The following VWC2 variants were observed in gnomAD, a reference collection of about 807,000 sequenced individuals.
The protein encoded by VWC2 is brorin.
A neutral mutation model predicts 29.8 loss-of-function variants in VWC2; 14 were observed. The ratio of observed to expected loss-of-function variants is 0.47; its 90% confidence interval spans 0.31 to 0.74. The LOEUF is 0.74. Ranked by LOEUF, VWC2 falls within the 30% of genes least tolerant of loss-of-function variation. VWC2 has a pLI of 0.05. For missense variants in VWC2, 457 were observed against 459.8 expected (o/e 0.99, Z 0.05); for synonymous variants, 213 against 199.0 (o/e 1.07, Z -0.59).
intron 3 of VWC2, among the ~76,000 whole-genome samples, chr7:49,883,325 C>T (rs1296988275): frequency 4.0e-5 from 6 of 151,768 alleles, no homozygotes; most frequent in Non-Finnish European, 7.4e-5. Flanking sequence ...TAGCAAGCTG[C>T]AATATTGACT....
At position 49,916,994 on chromosome 7, in the gene VWC2, G is replaced by T. The variant is rs2128745243; in HGVS notation, c.*4809G>T. ...AGAGACACTGGCCCTTTATGATAAA[G>T]GAAGTCAAGTTTACAGTTTTGATAT... On this transcript the variant is annotated 3_prime_UTR_variant, in exon 4 of 4. Coordinates refer to ENST00000340652, the MANE Select transcript of VWC2 (RefSeq NM_198570.5). 6.6e-6 allele frequency: 1 copy of T among 152,238 alleles called. No individual in the cohort carries two copies. Among genetic ancestry groups the T allele is most frequent in the African/African-American group, 2.4e-5 (1 of 41,556 alleles). 9.4% of individuals were successfully genotyped at this position (152,238 alleles called of 1,614,324 possible).
intron 3 of VWC2, among the ~76,000 whole-genome samples, chr7:49,859,623 G>A (rs1253421606): frequency 6.6e-6 from 1 of 152,214 alleles, no homozygotes; most frequent in Non-Finnish European, 1.5e-5. Context: ...TTACACAGGT[G>A]TATTTGCCTA....
chr7:49,847,867 CTGAT>C (rs1431460085), intron 3 of VWC2, among the ~76,000 whole-genome samples: 1 of 152,120 alleles, frequency 6.6e-6, no homozygotes, highest in African/African-American at 2.4e-5. Flanking sequence ...GATGTGAGCT[CTGAT>C]TGGGTAATCA....
chr7:49,855,763 C>T (rs10252915), intron 3 of VWC2, among the ~76,000 whole-genome samples: 1 of 152,124 alleles, frequency 6.6e-6, no homozygotes, highest in African/African-American at 2.4e-5. Context: ...CCCTGCCTCC[C>T]CAGAAGCCAG....
Position 49,775,764 on chromosome 7 carries a change from A to C in VWC2, c.329A>C (p.Gln110Pro). The change falls in exon 2 of 4, where the codon CAG becomes CCG. Residue 110 changes from glutamine (Q) to proline (P), a missense_variant. Around this residue, in one of 2 missense-constraint regions of VWC2, gnomAD observed 272 missense variants for 202.7 expected, o/e 1.34. Coordinates refer to ENST00000340652, the MANE Select transcript of VWC2 (RefSeq NM_198570.5). ...QGGGAKAGDL[Q>P]VRPRGDTPQA... ...GGGGGCGCCAAGGCCGGGGATCTGC[A>C]GGTCCGGCCCCGCGGGGACACCCCG... 6.6e-7 allele frequency: 1 copy of C among 1,515,546 alleles called. No individual in the cohort carries two copies. 93.9% of individuals were successfully genotyped at this position (1,515,546 alleles called of 1,614,324 possible). A position where few individuals can be genotyped will look rare whatever the true frequency, so the allele number is the denominator to read the frequency against.
chr7:49,906,621 C>A (rs1298738754), intron 3 of VWC2, among the ~76,000 whole-genome samples: 1 of 152,158 alleles, frequency 6.6e-6, no homozygotes, highest in African/African-American at 2.4e-5. Context: ...CAGGCGTGAG[C>A]CACCGCACCC....
chr7:49,804,461 G>A (rs142394495), intron 3 of VWC2, among the ~76,000 whole-genome samples: 6 of 152,286 alleles, frequency 3.9e-5, no homozygotes, highest in East Asian at 1.9e-4. Flanking sequence ...CTCTCACTGC[G>A]TCAAGGGGTT....
At chr7:49,823,035 T>C (rs1438202140) in intron 3 of VWC2, among the ~76,000 whole-genome samples, 1 of 152,216 alleles carries the variant, frequency 6.6e-6, no homozygotes, top group Non-Finnish European at 1.5e-5. Context: ...GGAATGGAAC[T>C]GTGGGAGTGA....
intron 3 of VWC2, among the ~76,000 whole-genome samples, chr7:49,830,491 T>C (rs1236750539): frequency 6.6e-6 from 1 of 152,230 alleles, no homozygotes; most frequent in African/African-American, 2.4e-5. Context: ...GGGCTAGTTT[T>C]ATTTAACGCT....
intron 3 of VWC2, among the ~76,000 whole-genome samples, chr7:49,820,197 C>T (rs1789234542): frequency 6.6e-6 from 1 of 152,078 alleles, no homozygotes; most frequent in African/African-American, 2.4e-5. Flanking sequence ...ACCTCAGGAA[C>T]GCCCTACCCC....
chr7:49,849,222 C>T lies in VWC2; in HGVS notation c.826+46382C>T, dbSNP rs149398959. The stretch of plus-strand genomic sequence containing the variant: ...GGGGGGAAACCAATACAGTCACCAT[C>T]TCTTTATCACAAAATGCTTTTGTCT... On this transcript the variant is annotated intron_variant, in intron 3 of 3. Coordinates refer to ENST00000340652, the MANE Select transcript of VWC2 (RefSeq NM_198570.5). 1.2e-4 allele frequency among the ~76,000 whole-genome samples: 18 copies of T among 152,340 alleles called. No individual in the cohort carries two copies. The East Asian group carries it at 3.5e-3, about 29-fold the overall frequency.
intron 3 of VWC2, among the ~76,000 whole-genome samples, chr7:49,886,671 G>A (rs2128728945): frequency 6.6e-6 from 1 of 152,194 alleles, no homozygotes; most frequent in East Asian, 1.9e-4. Flanking sequence ...TAGTGTCAGA[G>A]GGGTTTGTTG....
chr7:49,823,429 T>G (rs755153811), intron 3 of VWC2, among the ~76,000 whole-genome samples: 3 of 152,178 alleles, frequency 2.0e-5, no homozygotes, highest in Non-Finnish European at 4.4e-5. Context: ...TCAAAGTAGC[T>G]ATTAGGGTAT....
At chr7:49,897,503 A>G (rs914173799) in intron 3 of VWC2, among the ~76,000 whole-genome samples, 1 of 152,218 alleles carries the variant, frequency 6.6e-6, no homozygotes, top group African/African-American at 2.4e-5. Context: ...ACACTGATCA[A>G]TAGAGTTTCC....
intron 3 of VWC2, among the ~76,000 whole-genome samples, chr7:49,846,885 AG>A (rs1789963463): frequency 6.6e-6 from 1 of 152,232 alleles, no homozygotes; most frequent in South Asian, 2.1e-4. Context: ...AGCCTAAATG[AG>A]GTAAAATATT....
intron 3 of VWC2, among the ~76,000 whole-genome samples, chr7:49,821,748 G>T (rs912267709): frequency 4.0e-5 from 6 of 151,614 alleles, no homozygotes; most frequent in African/African-American, 1.5e-4. Context: ...TTCATTTAAA[G>T]AATTCAGTGT....
chr7:49,778,293 A>G (rs1011522435), intron 2 of VWC2, among the ~76,000 whole-genome samples: 1 of 152,158 alleles, frequency 6.6e-6, no homozygotes, highest in Non-Finnish European at 1.5e-5. Flanking sequence ...AAAGATTACA[A>G]TCTTAGGAAG....
chr7:49,839,752 T>A (rs1057225428), intron 3 of VWC2, among the ~76,000 whole-genome samples: 5 of 152,232 alleles, frequency 3.3e-5, no homozygotes, highest in Non-Finnish European at 7.3e-5. Flanking sequence ...AAGAGCTGCG[T>A]GCAGAAATAA....
intron 2 of VWC2, among the ~76,000 whole-genome samples, chr7:49,788,853 TGTGTGAGCGTGTGTGTGGGGG>T (rs1279355501): frequency 1.4e-5 from 2 of 139,532 alleles, no homozygotes; most frequent in Non-Finnish European, 3.2e-5. Flanking sequence ...TGTGAGCATG[TGTGTGAGCGTGTGTGTGGGGG>T]GTGTGAGGGT....
Sources: gnomAD v4.1 joint callset for allele counts (sites outside exome capture counted in the v4.1 genomes callset) on GRCh38, gnomAD v4.1.1 for gene constraint, gnomAD v4.1.1 regional missense constraint, MANE v1.5 for transcripts, NCBI Gene and HGNC (gene_info 2026-07-23, HGNC 2026-07-21) for gene names.